POLL: variants seen among roughly 807,000 people sequenced by gnomAD.
The protein encoded by POLL is DNA polymerase lambda, also known as DNA polymerase beta-2.
Under a neutral mutation model 58.1 loss-of-function variants are expected in POLL, and 44 were observed. That is an observed-to-expected ratio of 0.76 (90% CI 0.60 to 0.97). The LOEUF (loss-of-function observed/expected upper bound fraction) is 0.97. Among genes scored for constraint, POLL ranks in the 50% least tolerant of loss-of-function variants. POLL has a pLI of 0.00. For synonymous variants in POLL, 290 were observed against 283.2 expected (o/e 1.02, Z -0.24); for missense variants, 632 against 736.8 (o/e 0.86, Z 1.65).
chr10:101,587,121 C>A (rs1398739728), intron 2 of POLL, 125 bp downstream of exon 2: 13 of 1,604,812 alleles, frequency 8.1e-6, no homozygotes, highest in Non-Finnish European at 4.3e-6. Flanking sequence ...TACAAACAGA[C>A]CTGCAGGCCC....
In POLL at chr10:101,587,854, A is replaced by G. The variant is rs2063475670; in HGVS notation, c.-79T>C. On this transcript the variant is annotated 5_prime_UTR_variant, in exon 1 of 9. Transcript: ENST00000370162. ...ACAGACTCGCAGAGGAAGGAGGAGGACTTTCGGGGGTGAGTGGGAACGCCC... is the reference window on the plus strand; with the variant it reads ...ACAGACTCGCAGAGGAAGGAGGAGGGCTTTCGGGGGTGAGTGGGAACGCCC... 1 of 1,189,952 alleles carries G rather than the reference A, an allele frequency of 8.4e-7. No homozygotes were observed. Among genetic ancestry groups the G allele is most frequent in the East Asian group, 6.0e-5 (1 of 16,706 alleles). The allele number at this position is 1,189,952 out of a possible 1,614,324, so 73.7% of individuals were successfully genotyped here.
rs759398744 is a variant in POLL, at chr10:101,585,469, G to T, written c.420C>A (p.Asp140Glu). The change falls in exon 4 of 9, where the codon GAC becomes GAA. Residue 140 changes from aspartate to glutamate, a missense_variant. Transcript: ENST00000370162. The part of the protein sequence containing the change: ...FSIFIPSRYL[D>E]HPQPSKAEQD... ...GCTCTGCCTTGCTGGGCTGTGGATG[G>T]TCCAAGTACCTGTGGGGATGGTGAT... is the stretch of plus-strand genomic sequence containing the variant. The T allele has an allele frequency of 3.9e-6, 6 of 1,542,944 alleles. No homozygotes were observed. The East Asian group carries it at 1.4e-4, about 35-fold the overall frequency.
chr10:101,586,017 C>T lies in POLL; in HGVS notation c.255G>A (p.Val85=), dbSNP rs762184144. ...AQGPGVTHIV[V]DEGMDYERAL... The stretch of plus-strand genomic sequence containing the variant: ...CTCGCTCATAGTCCATGCCTTCATC[C>T]ACCACAATGTGAGTGACACCTGGGC... The change falls in exon 3 of 9, where the codon GTG becomes GTA. Residue 85 remains valine, a synonymous_variant. Transcript: ENST00000370162. 1.7e-5 allele frequency: 28 copies of T among 1,614,006 alleles called. No individual in the cohort carries two copies. In the South Asian group the frequency reaches 1.8e-4, roughly 10 times the overall value.
At position 101,584,616 on chromosome 10, in the gene POLL, C is replaced by A. The variant is rs746943218; in HGVS notation, c.877G>T (p.Val293Phe). Residue 293 changes from valine to phenylalanine, a missense_variant, in exon 5 of 9, where the codon GTC becomes TTC. By Grantham distance (50) the Val-to-Phe change is conservative (BLOSUM62 -1). Coordinates refer to ENST00000370162, the MANE Select transcript of POLL (RefSeq NM_001174084.2). The part of the protein sequence containing the change: ...INALKSFHKP[V>F]TSYQEACSIP... ...CCCCTGGGTACCTGGTACGAGGTGA[C>A]AGGCTTATGGAAGCTCTTGAGGGCA... is the stretch of plus-strand genomic sequence containing the variant. The A allele has an allele frequency of 1.9e-6, 3 of 1,569,684 alleles. No individual in the cohort carries two copies. The South Asian group carries it at 3.5e-5, about 18-fold the overall frequency.
intron 3 of POLL, among the ~76,000 whole-genome samples, 188 bp from the exon 4 acceptor site, chr10:101,585,666 G>A (rs889099325): frequency 2.0e-5 from 3 of 152,010 alleles, no homozygotes; most frequent in African/African-American, 2.4e-5. Context: ...ACAGTGGTAC[G>A]ATCAAGGCTC....
rs2062846279 is a variant in POLL at position 101,579,344 on chromosome 10, C to G, written c.*109G>C. 2 of 1,318,234 alleles carry G rather than the reference C, an allele frequency of 1.5e-6. No homozygotes were observed. Among genetic ancestry groups the G allele is most frequent in the Non-Finnish European group, 2.1e-6 (2 of 969,202 alleles). 81.7% of individuals were successfully genotyped at this position (1,318,234 alleles called of 1,614,324 possible). A position where few individuals can be genotyped will look rare whatever the true frequency, so the allele number is the denominator to read the frequency against. On this transcript the variant is annotated 3_prime_UTR_variant, in exon 9 of 9. Transcript: ENST00000370162. This position sits in a 1 kb window ranked among gnomAD's most constrained non-coding sequence, Gnocchi z 4.4. The stretch of plus-strand genomic sequence containing the variant: ...CCCTGGGCCCTGCTCGCTGAGGAAG[C>G]TGGTGGTTGGAGCGGCGAGGTTCAG...
chr10:101,588,165 A>T lies in POLL; in HGVS notation c.-390T>A, dbSNP rs2063500896. The stretch of plus-strand genomic sequence containing the variant: ...CCCGGGTGGGGTCGACTACTGGCCA[A>T]GCTAGTCACCCGGGGGTGGGCAGGA... On this transcript the variant is annotated 5_prime_UTR_variant, in exon 1 of 9. The change creates a new upstream start codon in the 5' untranslated region. Transcript: ENST00000370162. 1 of 1,523,404 alleles carries T rather than the reference A, an allele frequency of 6.6e-7. No individual in the cohort carries two copies. Among genetic ancestry groups the T allele is most frequent in the East Asian group, 2.5e-5 (1 of 40,320 alleles). The allele number at this position is 1,523,404 out of a possible 1,614,324, so 94.4% of individuals were successfully genotyped here.
intron 6 of POLL, 113 bp downstream of exon 6, chr10:101,583,395 G>T: frequency 8.7e-7 from 1 of 1,154,688 alleles, no homozygotes. Context: ...TATACTGTGG[G>T]TGCATTCCCA....
chr10:101,587,865 T>C lies in POLL; in HGVS notation c.-90A>G, dbSNP rs1408729384. The C allele has an allele frequency of 1.7e-6, 2 of 1,189,226 alleles. No individual in the cohort carries two copies. The highest frequency in any genetic ancestry group is 2.1e-6 in the Non-Finnish European group (2 of 941,702). The allele number at this position is 1,189,226 out of a possible 1,614,324, so 73.7% of individuals were successfully genotyped here. On this transcript the variant is annotated 5_prime_UTR_variant, in exon 1 of 9. Transcript: ENST00000370162. The stretch of plus-strand genomic sequence containing the variant: ...GAGGAAGGAGGAGGACTTTCGGGGG[T>C]GAGTGGGAACGCCCTGCACCTGTCC...
At chr10:101,585,608 T>C (rs1589691172) in intron 3 of POLL, 130 bp from the exon 4 acceptor site, 1 of 889,774 alleles carries the variant, frequency 1.1e-6, no homozygotes, top group South Asian at 2.3e-5. Flanking sequence ...TTGAGGTTTT[T>C]GGAGTTTCTC....
rs557517331 is a variant in POLL, at chr10:101,587,374, G to C, written c.-14C>G. 3.7e-6 allele frequency: 6 copies of C among 1,613,824 alleles called. No individual in the cohort carries two copies. The East Asian group carries it at 1.3e-4, about 36-fold the overall frequency. On this transcript the variant is annotated 5_prime_UTR_variant, in exon 2 of 9. In the 5' UTR this introduces an upstream ATG that the reference lacks. Transcript: ENST00000370162. ...CCTGGGATCCATTGAAGTATGGCTG[G>C]ATCCCGGCCTATTGGAGCGTTGGTC...
At chr10:101,583,179 G>A in intron 6 of POLL, 1 of 600,598 alleles carries the variant, frequency 1.7e-6, no homozygotes, top group South Asian at 2.0e-5. Context: ...CCTGGTGATT[G>A]TGGGCAGAGC....
At position 101,584,831 on chromosome 10, in the gene POLL, G is replaced by C. The variant is rs767295219; in HGVS notation, c.662C>G (p.Thr221Ser). The part of the protein sequence containing the change: ...LEALISGHYP[T>S]SLEGDCEPSP... Reference sequence around the variant, plus strand: ...AGGCTCACAATCTCCCTCAAGGGAGGTGGGGTAGTGGCCACTGATGAGGGC... The same window carrying C: ...AGGCTCACAATCTCCCTCAAGGGAGCTGGGGTAGTGGCCACTGATGAGGGC... The change falls in exon 5 of 9, where the codon ACC becomes AGC. Residue 221 changes from threonine to serine, a missense_variant. Transcript: ENST00000370162. The C allele has an allele frequency of 5.2e-6, 8 of 1,542,054 alleles. No individual in the cohort carries two copies. The highest frequency in any genetic ancestry group is 4.1e-5 in the African/African-American group (3 of 72,956).
intron 6 of POLL, 134 bp downstream of exon 6, chr10:101,583,374 A>G: frequency 3.2e-6 from 3 of 932,586 alleles, no homozygotes; most frequent in Non-Finnish European, 1.6e-6. Flanking sequence ...CCGCTTGAAA[A>G]ATGGTCTCCC....
chr10:101,587,279 T>C lies in POLL; in HGVS notation c.82A>G (p.Ile28Val). The C allele has an allele frequency of 1.2e-6, 2 of 1,614,152 alleles. No homozygotes were observed. The highest frequency in any genetic ancestry group is 1.7e-6 in the Non-Finnish European group (2 of 1,180,004). Reference sequence around the variant, plus strand: ...TCTTCTCCCTCTTCCCTCCTAGGAATCTTTGCAAGTACTTTTGATGATGCA... The same window carrying C: ...TCTTCTCCCTCTTCCCTCCTAGGAACCTTTGCAAGTACTTTTGATGATGCA... ...ADASSKVLAK[I>V]PRREEGEEAE... is the part of the protein sequence containing the mutation. The change falls in exon 2 of 9, where the codon ATT becomes GTT. Residue 28 changes from isoleucine (I) to valine (V), a missense_variant. Ile to Val is a conservative substitution (Grantham distance 29, BLOSUM62 3). Coordinates refer to ENST00000370162, the MANE Select transcript of POLL (RefSeq NM_001174084.2).
intron 5 of POLL, among the ~76,000 whole-genome samples, chr10:101,584,371 TTA>T (rs2134640064): frequency 6.6e-6 from 1 of 152,248 alleles, no homozygotes. Flanking sequence ...AAACTTTTAA[TTA>T]TGTTAAAAAA....
chr10:101,585,358 A>G lies in POLL; in HGVS notation c.531T>C (p.Ser177=). Residue 177 remains serine, a synonymous_variant, in exon 4 of 9, where the codon TCT becomes TCC. Coordinates refer to ENST00000370162, the MANE Select transcript of POLL (RefSeq NM_001174084.2). ...SPPPPPTRPV[S]PPQKAKEAPN... ...GTGCCTCTTTTGCCTTTTGGGGAGG[A>G]GACACAGGCCTGGTGGGAGGAGGAG... 1 of 1,596,562 alleles carries G rather than the reference A, an allele frequency of 6.3e-7. No homozygotes were observed. Among genetic ancestry groups the G allele is most frequent in the Admixed American group, 1.7e-5 (1 of 57,456 alleles).
chr10:101,580,506 C>T lies in POLL; in HGVS notation c.1195-90G>A, dbSNP rs1436518287. 4.2e-6 allele frequency: 5 copies of T among 1,193,730 alleles called. No homozygotes were observed. The African/African-American group carries it at 7.5e-5, about 18-fold the overall frequency. The allele number at this position is 1,193,730 out of a possible 1,614,324, so 73.9% of individuals were successfully genotyped here. A position where few individuals can be genotyped will look rare whatever the true frequency, so the allele number is the denominator to read the frequency against. ...AAGGGCCTTCCCAGACTCGGGCCCA[C>T]ACCCTCAGCTTATGCCCATTCCAGA... On this transcript the variant is annotated intron_variant, in intron 7 of 8. Coordinates refer to ENST00000370162, the MANE Select transcript of POLL (RefSeq NM_001174084.2). This position sits in a 1 kb window ranked among gnomAD's most constrained non-coding sequence, Gnocchi z 4.1.
intron 4 of POLL, 137 bp from the exon 5 acceptor site, chr10:101,585,056 C>T: frequency 1.5e-6 from 1 of 685,546 alleles, no homozygotes; most frequent in Non-Finnish European, 2.3e-6. Context: ...CCTTCTGCAT[C>T]AGACTTGGAT....
Sources: gnomAD v4.1 joint callset for allele counts (sites outside exome capture counted in the v4.1 genomes callset) on GRCh38, gnomAD v4.1.1 for gene constraint, Gnocchi (gnomAD v3.1) non-coding constraint, MANE v1.5 for transcripts, NCBI Gene and HGNC (gene_info 2026-07-23, HGNC 2026-07-21) for gene names.